Variants in SLC16A7 observed in about 807,000 individuals in gnomAD.
SLC16A7 encodes solute carrier family 16 member 7.
SLC16A7 carries 33 observed loss-of-function variants against 34.9 expected under a neutral mutation model. The observed-to-expected ratio is 0.94, with a 90% CI of 0.72 to 1.26. The LOEUF is 1.26. Among genes scored for constraint, SLC16A7 ranks in the 50% most tolerant of loss-of-function variants. SLC16A7 has a pLI of 0.00. For synonymous variants in SLC16A7, 201 were observed against 206.6 expected, an observed-to-expected ratio of 0.97 and a Z score of 0.23; for missense variants, 573 against 578.1, an observed-to-expected ratio of 0.99 and a Z score of 0.09.
chr12:59,747,428 A>T (rs1157224911), intron 3 of SLC16A7, among the ~76,000 whole-genome samples: 1 of 152,212 alleles, frequency 6.6e-6, no homozygotes, highest in Non-Finnish European at 1.5e-5. Flanking sequence ...AAAATTATAA[A>T]ATATTTTTCT....
chr12:59,770,452 A>G (rs1005705790), intron 3 of SLC16A7, among the ~76,000 whole-genome samples: 7 of 152,174 alleles, frequency 4.6e-5, no homozygotes, highest in African/African-American at 1.7e-4. Flanking sequence ...GAACGTGTCA[A>G]CAGAAGATTT....
At chr12:59,603,599 G>A (rs904316145) in intron 1 of SLC16A7, among the ~76,000 whole-genome samples, 3 of 151,946 alleles carry the variant, frequency 2.0e-5, no homozygotes, top group African/African-American at 7.3e-5. Context: ...TAAAATTTCA[G>A]GAACATTATG....
intron 3 of SLC16A7, among the ~76,000 whole-genome samples, chr12:59,768,634 C>T (rs867984307): frequency 3.9e-5 from 6 of 152,104 alleles, no homozygotes; most frequent in Non-Finnish European, 7.4e-5. Context: ...CAAATGACAT[C>T]GCATGCTACA....
chr12:59,619,646 C>G, intron 1 of SLC16A7, among the ~76,000 whole-genome samples: 1 of 151,854 alleles, frequency 6.6e-6, no homozygotes, highest in East Asian at 1.9e-4. Flanking sequence ...GTCATGTGTA[C>G]CTCACATGAC....
rs956559288 is a variant in SLC16A7, at chr12:59,785,427, A to G, written c.*5748A>G. 1 of 152,184 alleles carries G rather than the reference A, an allele frequency of 6.6e-6. No homozygotes were observed. The highest frequency in any genetic ancestry group is 1.5e-5 in the Non-Finnish European group (1 of 68,016). The allele number at this position is 152,184 out of a possible 1,614,324, so 9.4% of individuals were successfully genotyped here. ...AGTCTCTACCTTAAGAGCAAAATTA[A>G]TATTGCAAAATGAATTTTTGATTTT... On this transcript the variant is annotated 3_prime_UTR_variant, in exon 6 of 6. Transcript: ENST00000547379.
rs1170126016 is a variant in SLC16A7 at position 59,781,510 on chromosome 12, T to G, written c.*1831T>G. The G allele has an allele frequency of 6.6e-6, 1 of 152,566 alleles. No homozygotes were observed. The highest frequency in any genetic ancestry group is 1.9e-4 in the East Asian group (1 of 5,196). The allele number at this position is 152,566 out of a possible 1,614,324, so 9.5% of individuals were successfully genotyped here. ...TCATATTTAGGAAGCTATATAAAAT[T>G]CAGTTTTTCATTTAACATTTGCTCT... On this transcript the variant is annotated 3_prime_UTR_variant, in exon 6 of 6. Transcript: ENST00000547379.
intron 3 of SLC16A7, among the ~76,000 whole-genome samples, chr12:59,770,771 A>G (rs1327826835): frequency 6.6e-6 from 1 of 152,180 alleles, no homozygotes; most frequent in Non-Finnish European, 1.5e-5. Context: ...TTAAAAAACA[A>G]TTTCAGCTCT....
chr12:59,720,088 A>G, intron 3 of SLC16A7: 2 of 700,636 alleles, frequency 2.9e-6, no homozygotes, highest in Non-Finnish European at 2.6e-6. Flanking sequence ...GGTTGGTATC[A>G]TATGCAATAG....
intron 3 of SLC16A7, among the ~76,000 whole-genome samples, chr12:59,741,127 C>T (rs1359017704): frequency 1.3e-5 from 2 of 152,012 alleles, no homozygotes; most frequent in Non-Finnish European, 2.9e-5. Context: ...ATGAAAATGG[C>T]CATACTGCCC....
At chr12:59,597,381 A>G (rs1878471748) in intron 1 of SLC16A7, among the ~76,000 whole-genome samples, 1 of 152,054 alleles carries the variant, frequency 6.6e-6, no homozygotes, top group Admixed American at 6.6e-5. Flanking sequence ...GAGATGCGGC[A>G]GAGGAATAAA....
In SLC16A7 at chr12:59,782,840, T is replaced by C. The variant is rs1883342112; in HGVS notation, c.*3161T>C. 6.6e-6 allele frequency: 1 copy of C among 152,194 alleles called. No individual in the cohort carries two copies. The highest frequency in any genetic ancestry group is 1.5e-5 in the Non-Finnish European group (1 of 68,030). The allele number at this position is 152,194 out of a possible 1,614,324, so 9.4% of individuals were successfully genotyped here. On this transcript the variant is annotated 3_prime_UTR_variant, in exon 6 of 6. Transcript: ENST00000547379. Reference sequence around the variant, plus strand: ...TATTTCACATTGGAAGACATGATGTTTTCTCAGTATAAATCTACAGGACTC... The same window carrying C: ...TATTTCACATTGGAAGACATGATGTCTTCTCAGTATAAATCTACAGGACTC...
chr12:59,695,862 C>A (rs1366400134), intron 2 of SLC16A7, among the ~76,000 whole-genome samples: 1 of 152,036 alleles, frequency 6.6e-6, no homozygotes, highest in Non-Finnish European at 1.5e-5. Flanking sequence ...GCATATTTTT[C>A]TGTCGCCCCG....
At chr12:59,700,429 G>C (rs1872743575) in intron 2 of SLC16A7, among the ~76,000 whole-genome samples, 1 of 149,774 alleles carries the variant, frequency 6.7e-6, no homozygotes, top group Non-Finnish European at 1.5e-5. Context: ...TATGTCATAT[G>C]CATATTATTA....
chr12:59,607,106 A>G (rs575975078), intron 1 of SLC16A7, among the ~76,000 whole-genome samples: 1 of 152,286 alleles, frequency 6.6e-6, no homozygotes, highest in Non-Finnish European at 1.5e-5. Flanking sequence ...AAAGTTGAGT[A>G]GTTGTGACTT....
chr12:59,733,228 C>A (rs1381727548), intron 3 of SLC16A7, among the ~76,000 whole-genome samples: 6 of 152,344 alleles, frequency 3.9e-5, no homozygotes, highest in African/African-American at 1.4e-4. Flanking sequence ...ATTCAGCCTA[C>A]TTGGCCCAGT....
intron 2 of SLC16A7, among the ~76,000 whole-genome samples, chr12:59,683,860 G>C (rs1270533051): frequency 2.0e-5 from 3 of 152,228 alleles, no homozygotes. Flanking sequence ...TAGTGATATA[G>C]TAAGTGAGAA....
intron 1 of SLC16A7, among the ~76,000 whole-genome samples, chr12:59,615,734 G>T (rs564190439): frequency 6.6e-6 from 1 of 152,312 alleles, no homozygotes; most frequent in Non-Finnish European, 1.5e-5. Flanking sequence ...TTGGCCTGTT[G>T]CTGAAATAGT....
chr12:59,658,274 A>G (rs1592443574), intron 2 of SLC16A7, among the ~76,000 whole-genome samples: 1 of 151,876 alleles, frequency 6.6e-6, no homozygotes. Context: ...CTTCTCCCAC[A>G]CTTCACTAAT....
In SLC16A7 at chr12:59,739,676, T is replaced by C. The variant is rs1024083297; in HGVS notation, c.218-31543T>C. ...GTCCCACCAACAGTGTAGAAGTGTTTCTATTTCTCCACATCCTCTCCAGCA... is the reference window on the plus strand; with the variant it reads ...GTCCCACCAACAGTGTAGAAGTGTTCCTATTTCTCCACATCCTCTCCAGCA... On this transcript the variant is annotated intron_variant, in intron 3 of 5. Transcript: ENST00000547379. Among the ~76,000 whole-genome samples the C allele has an allele frequency of 9.2e-5, 14 of 151,958 alleles. 2 individuals carry two copies. The highest frequency in any genetic ancestry group is 3.1e-4 in the African/African-American group (13 of 41,422).
Sources: allele counts gnomAD v4.1 joint callset (sites outside exome capture counted in the v4.1 genomes callset), GRCh38; gene constraint gnomAD v4.1.1; transcripts MANE v1.5; gene names NCBI Gene and HGNC (gene_info 2026-07-23, HGNC 2026-07-21).